The following TMEM272 variants were observed in gnomAD, a reference collection of about 807,000 sequenced individuals.
TMEM272 encodes transmembrane protein 272.
In TMEM272, 8 loss-of-function variants were observed where a neutral mutation model predicts 3.7. The ratio of observed to expected loss-of-function variants is 2.17; its 90% CI spans 1.27 to 3.91. The LOEUF (loss-of-function observed/expected upper bound fraction) is 3.91, where lower values mean the gene tolerates loss of function less well. TMEM272 is among the 30% of genes most tolerant of loss of function. The pLI is 0.00. For synonymous variants in TMEM272, 63 were observed against 39.8 expected (o/e 1.58, Z -2.20); for missense variants, 166 against 91.5 (o/e 1.81, Z -3.32).
At chr13:51,920,518 T>G in the TMEM272 span, among the ~76,000 whole-genome samples, 1 of 152,196 alleles carries the variant, frequency 6.6e-6, no homozygotes, top group Non-Finnish European at 1.5e-5. Flanking sequence ...TGTCAACTTC[T>G]TGCTCTGCTG....
chr13:51,843,417 G>A (rs1956278030), intron 1 of TMEM272, among the ~76,000 whole-genome samples: 1 of 152,158 alleles, frequency 6.6e-6, no homozygotes, highest in Admixed American at 6.5e-5. Context: ...GGAGCCCTTT[G>A]AAGCGGCAGC....
At chr13:51,864,024 GCTATCTGATTC>G in the TMEM272 span, among the ~76,000 whole-genome samples, 1 of 152,070 alleles carries the variant, frequency 6.6e-6, no homozygotes, top group Non-Finnish European at 1.5e-5. Context: ...GGATAATTCT[GCTATCTGATTC>G]CTCAGATATA....
the TMEM272 span, among the ~76,000 whole-genome samples, chr13:51,916,180 ATAAC>A: frequency 6.6e-6 from 1 of 152,226 alleles, no homozygotes; most frequent in South Asian, 2.1e-4. Flanking sequence ...TGAAATATTA[ATAAC>A]TAACTTTGCA....
the TMEM272 span, among the ~76,000 whole-genome samples, chr13:51,888,046 CTT>C: frequency 0.79 from 111,771 of 141,804 alleles, 44,469 homozygotes; most frequent in Admixed American, 0.86. Context: ...TTGACACAAT[CTT>C]TTTTTTTTTT....
At chr13:51,927,335 G>C in the TMEM272 span, among the ~76,000 whole-genome samples, 1 of 152,156 alleles carries the variant, frequency 6.6e-6, no homozygotes, top group Non-Finnish European at 1.5e-5. Context: ...TGCTGTGATG[G>C]AAGTACCACA....
At chr13:51,908,312 G>A in the TMEM272 span, 17 of 1,221,176 alleles carry the variant, frequency 1.4e-5, 1 homozygote, top group Non-Finnish European at 1.9e-5. Flanking sequence ...TGTGGGGGTG[G>A]GGGTGGGGGC....
At chr13:51,920,233 G>C in the TMEM272 span, among the ~76,000 whole-genome samples, 3 of 152,138 alleles carry the variant, frequency 2.0e-5, no homozygotes, top group Non-Finnish European at 4.4e-5. Context: ...ATAACAGCTA[G>C]TTATAGAATA....
upstream of TMEM272, among the ~76,000 whole-genome samples, chr13:51,849,320 G>C: frequency 6.6e-6 from 1 of 152,212 alleles, no homozygotes; most frequent in South Asian, 2.1e-4. Flanking sequence ...AAGTAGACTG[G>C]TGGTCACCAG....
the TMEM272 span, among the ~76,000 whole-genome samples, chr13:51,912,485 G>C: frequency 6.6e-6 from 1 of 152,214 alleles, no homozygotes; most frequent in Non-Finnish European, 1.5e-5. Flanking sequence ...TGGGGGACTG[G>C]AGAGAGGGTT....
chr13:51,865,793 G>T, the TMEM272 span: 2 of 1,614,102 alleles, frequency 1.2e-6, no homozygotes, highest in Non-Finnish European at 1.7e-6. Context: ...CTGGAAAGAG[G>T]ACAATGCCTT....
the TMEM272 span, among the ~76,000 whole-genome samples, chr13:51,850,182 A>G: frequency 1.3e-5 from 2 of 152,168 alleles, no homozygotes; most frequent in South Asian, 2.1e-4. Context: ...ATTTGGGGAG[A>G]ACTGGCATTC....
At chr13:51,919,673 G>A in the TMEM272 span, among the ~76,000 whole-genome samples, 6 of 152,028 alleles carry the variant, frequency 3.9e-5, no homozygotes, top group African/African-American at 1.5e-4. Flanking sequence ...GACACACATC[G>A]CAAGTTGTCT....
intron 3 of TMEM272, among the ~76,000 whole-genome samples, chr13:51,823,005 T>G (rs951513360): frequency 6.6e-6 from 1 of 152,242 alleles, no homozygotes; most frequent in Admixed American, 6.5e-5. Flanking sequence ...CTGCCCAGCA[T>G]GTGCCCTTGT....
the TMEM272 span, among the ~76,000 whole-genome samples, chr13:51,886,997 C>T: frequency 1.3e-5 from 2 of 152,168 alleles, no homozygotes; most frequent in African/African-American, 2.4e-5. Flanking sequence ...AGAAATTCTA[C>T]CCAATCCCAA....
At chr13:51,865,337 G>A in the TMEM272 span, 1 of 1,523,282 alleles carries the variant, frequency 6.6e-7, no homozygotes, top group Admixed American at 2.1e-5. Context: ...CACAGGGTCT[G>A]ACCAGCCGAC....
the TMEM272 span, among the ~76,000 whole-genome samples, chr13:51,900,503 A>T: frequency 2.6e-5 from 4 of 152,208 alleles, no homozygotes. Context: ...TGGAACTCTC[A>T]TGCATCATTG....
In TMEM272 at chr13:51,833,509, C is replaced by T. The variant is rs186859104; in HGVS notation, c.58+4964G>A. ...GAGAGCAATTGTGAGGCTCCAGCAG[C>T]GCCTTGAGCACCCATTAGGTGTGGG... On this transcript the variant is annotated intron_variant, in intron 2 of 4. Coordinates refer to ENST00000629372, the MANE Select transcript of TMEM272 (RefSeq NM_001351003.2). Among the ~76,000 whole-genome samples, 28 of 152,098 alleles carry T rather than the reference C, an allele frequency of 1.8e-4. No homozygotes were observed. The South Asian group carries it at 4.0e-3, about 21-fold the overall frequency.
chr13:51,915,168 TG>T, the TMEM272 span, among the ~76,000 whole-genome samples: 4 of 152,232 alleles, frequency 2.6e-5, no homozygotes, highest in African/African-American at 9.6e-5. Context: ...TCCTGTGCTT[TG>T]GGGCTCTGAT....
chr13:51,877,599 A>C, the TMEM272 span, among the ~76,000 whole-genome samples: 1 of 152,274 alleles, frequency 6.6e-6, no homozygotes, highest in African/African-American at 2.4e-5. Context: ...CAGCAAACCA[A>C]GAGGTAAATT....
Sources: gnomAD v4.1 joint callset for allele counts (sites outside exome capture counted in the v4.1 genomes callset) on GRCh38, gnomAD v4.1.1 for gene constraint, MANE v1.5 for transcripts, NCBI Gene and HGNC (gene_info 2026-07-23, HGNC 2026-07-21) for gene names.